CCDC83: variants seen among roughly 807,000 people sequenced by gnomAD.
CCDC83 encodes the protein coiled-coil domain-containing protein 83.
CCDC83 carries 54 observed loss-of-function variants against 50.1 expected under a neutral mutation model. That is an observed-to-expected ratio of 1.08 (90% CI 0.87 to 1.35). The LOEUF is 1.35. Ranked by LOEUF, CCDC83 falls within the 40% of genes most tolerant of loss-of-function variation. The probability of loss-of-function intolerance (pLI) is 0.00; values close to 1 mark genes in which losing one functional copy is unlikely to be tolerated. For synonymous variants in CCDC83, 161 were observed against 153.3 expected, an observed-to-expected ratio of 1.05 and a Z score of -0.37; for missense variants, 518 against 473.9, an observed-to-expected ratio of 1.09 and a Z score of -0.86.
chr11:85,886,173 A>G (rs1165836047), intron 4 of CCDC83, 27 bp from the exon 5 acceptor site: 2 of 1,499,156 alleles, frequency 1.3e-6, no homozygotes, highest in South Asian at 2.8e-5. Flanking sequence ...GAAAACAGAA[A>G]TGACACAGTG....
chr11:85,908,965 G>A (rs973169595), intron 7 of CCDC83, among the ~76,000 whole-genome samples: 13 of 152,134 alleles, frequency 8.5e-5, no homozygotes, highest in African/African-American at 2.2e-4. Flanking sequence ...ACAGGGTCTC[G>A]CTCTGTCACC....
At chr11:85,881,537 C>T (rs2093300625) in intron 3 of CCDC83, among the ~76,000 whole-genome samples, 1 of 152,150 alleles carries the variant, frequency 6.6e-6, no homozygotes, top group Admixed American at 6.5e-5. Flanking sequence ...ATCCTCCCTC[C>T]TCAGCCTCCT....
At chr11:85,897,209 A>G (rs2093379831) in intron 6 of CCDC83, among the ~76,000 whole-genome samples, 1 of 152,226 alleles carries the variant, frequency 6.6e-6, no homozygotes, top group Non-Finnish European at 1.5e-5. Flanking sequence ...TTCAAGCATT[A>G]CACATTTAAG....
chr11:85,880,964 T>C (rs2135028662), intron 3 of CCDC83, among the ~76,000 whole-genome samples: 1 of 152,284 alleles, frequency 6.6e-6, no homozygotes, highest in East Asian at 1.9e-4. Flanking sequence ...ATTTTCCCCT[T>C]GGGGATGCTG....
intron 7 of CCDC83, among the ~76,000 whole-genome samples, chr11:85,900,881 A>G (rs1400944438): frequency 2.0e-5 from 3 of 151,930 alleles, no homozygotes; most frequent in Admixed American, 6.6e-5. Flanking sequence ...CCTGGCCAAC[A>G]TGGCAAAACC....
intron 7 of CCDC83, among the ~76,000 whole-genome samples, chr11:85,902,754 C>A (rs1419866124): frequency 6.6e-6 from 1 of 152,160 alleles, no homozygotes; most frequent in Admixed American, 6.5e-5. Context: ...CCACCTTCCC[C>A]ACCCTGCCAC....
At chr11:85,860,997 A>G (rs536759206) in intron 1 of CCDC83, among the ~76,000 whole-genome samples, 9 of 106,772 alleles carry the variant, frequency 8.4e-5, no homozygotes, top group African/African-American at 9.9e-5. Context: ...AATTGTGGGG[A>G]AAAAAAAAAG....
At chr11:85,871,175 AAAC>A (rs1592143523) in intron 2 of CCDC83, among the ~76,000 whole-genome samples, 1 of 151,942 alleles carries the variant, frequency 6.6e-6, no homozygotes, top group Non-Finnish European at 1.5e-5. Flanking sequence ...TCAAAAAAAC[AAAC>A]AAACAAACAA....
At chr11:85,857,148 C>T (rs568854140) in intron 1 of CCDC83, among the ~76,000 whole-genome samples, 39 of 152,290 alleles carry the variant, frequency 2.6e-4, no homozygotes, top group African/African-American at 8.2e-4. Context: ...GATGCAAAGC[C>T]CTGGATATTG....
chr11:85,889,311 C>T (rs567756518), intron 5 of CCDC83, among the ~76,000 whole-genome samples: 3 of 152,332 alleles, frequency 2.0e-5, no homozygotes, highest in East Asian at 1.9e-4. Context: ...AAGATTGCAC[C>T]ACTGCACTGT....
chr11:85,887,573 G>A (rs1194081419), intron 5 of CCDC83, among the ~76,000 whole-genome samples: 6 of 152,134 alleles, frequency 3.9e-5, no homozygotes, highest in African/African-American at 1.4e-4. Flanking sequence ...GAGAACAAGA[G>A]TGCCAGCCTG....
chr11:85,887,799 T>C (rs1408706579), intron 5 of CCDC83, among the ~76,000 whole-genome samples: 1 of 133,412 alleles, frequency 7.5e-6, no homozygotes, highest in East Asian at 2.0e-4. Flanking sequence ...GGTTTTATTG[T>C]ACCTTTTTTT....
rs934064879 is a variant in CCDC83 at position 85,887,731 on chromosome 11, T to A, written c.511+1364T>A. 8.6e-5 allele frequency among the ~76,000 whole-genome samples: 13 copies of A among 151,652 alleles called. 1 individual carries two copies. Among genetic ancestry groups the A allele is most frequent in the Admixed American group, 6.6e-4 (10 of 15,224 alleles). ...CTTACTTGCTTTTCATGTAACAACA[T>A]GAACATCCTTCTAAATCAGTATATC... On this transcript the variant is annotated intron_variant, in intron 5 of 10. Transcript: ENST00000342404.
At chr11:85,880,581 C>A (rs1177541390) in intron 3 of CCDC83, among the ~76,000 whole-genome samples, 1 of 143,876 alleles carries the variant, frequency 7.0e-6, no homozygotes, top group Non-Finnish European at 1.5e-5. Context: ...GGGCCCAGAT[C>A]TTGATTTTTT....
chr11:85,894,420 C>T (rs1015673964), intron 5 of CCDC83, among the ~76,000 whole-genome samples: 28 of 152,262 alleles, frequency 1.8e-4, no homozygotes, highest in Admixed American at 8.5e-4. Context: ...TAAAACACAA[C>T]TAACTTTGAT....
At position 85,855,520 on chromosome 11, in the gene CCDC83, C is replaced by G. The variant is rs1168492418; in HGVS notation, c.-93C>G. The G allele has an allele frequency of 6.6e-6, 1 of 152,290 alleles. No individual in the cohort carries two copies. The highest frequency in any genetic ancestry group is 1.5e-5 in the Non-Finnish European group (1 of 68,070). The allele number at this position is 152,290 out of a possible 1,614,324, so 9.4% of individuals were successfully genotyped here. On this transcript the variant is annotated 5_prime_UTR_variant, in exon 1 of 11. Coordinates refer to ENST00000342404, the MANE Select transcript of CCDC83 (RefSeq NM_001286159.2). Reference sequence around the variant, plus strand: ...TCAGAATGTTAACCCATCTCTCCGCCTTGCGGTAGAACCCCTGGATACATT... The same window carrying G: ...TCAGAATGTTAACCCATCTCTCCGCGTTGCGGTAGAACCCCTGGATACATT...
In CCDC83 at chr11:85,912,630, C is replaced by T. The variant is rs764527743; in HGVS notation, c.794+1228C>T. The T allele has an allele frequency of 6.7e-6, 10 of 1,495,804 alleles. No individual in the cohort carries two copies. In the African/African-American group the frequency reaches 9.7e-5, roughly 14 times the overall value. 92.7% of individuals were successfully genotyped at this position (1,495,804 alleles called of 1,614,324 possible). On this transcript the variant is annotated intron_variant, in intron 8 of 10. Transcript: ENST00000342404. Reference sequence around the variant, plus strand: ...AGTAGGCAATGCTCACTTTTGCCAGCCCTCCTCTCTGTGATCAGGTATCCA... The same window carrying T: ...AGTAGGCAATGCTCACTTTTGCCAGTCCTCCTCTCTGTGATCAGGTATCCA...
chr11:85,916,373 C>A, intron 10 of CCDC83, 140 bp downstream of exon 10: 4 of 694,904 alleles, frequency 5.8e-6, no homozygotes. Context: ...CCACCATTCA[C>A]ATCTCTCATT....
intron 7 of CCDC83, among the ~76,000 whole-genome samples, chr11:85,903,461 A>C (rs2093411442): frequency 6.7e-6 from 1 of 149,412 alleles, no homozygotes; most frequent in South Asian, 2.1e-4. Context: ...CGTTCCATCT[A>C]ATTTTTTTTT....
Sources: allele counts gnomAD v4.1 joint callset (sites outside exome capture counted in the v4.1 genomes callset), GRCh38; gene constraint gnomAD v4.1.1; transcripts MANE v1.5; gene names NCBI Gene and HGNC (gene_info 2026-07-23, HGNC 2026-07-21).